Variants in NDUFAF6 observed in about 807,000 individuals in gnomAD.
NDUFAF6 encodes NADH:ubiquinone oxidoreductase complex assembly factor 6, also known as NADH dehydrogenase (ubiquinone) complex I, assembly factor 6.
A neutral mutation model predicts 40.8 loss-of-function variants in NDUFAF6; 45 were observed. That is an observed-to-expected ratio of 1.10 (90% confidence interval 0.87 to 1.42). The LOEUF (loss-of-function observed/expected upper bound fraction) is 1.42, where lower values mean the gene tolerates loss of function less well. Among genes scored for constraint, NDUFAF6 ranks in the 40% most tolerant of loss-of-function variants. The pLI is 0.00. For synonymous variants in NDUFAF6, 185 were observed against 155.9 expected (o/e 1.19, Z -1.39); for missense variants, 435 against 418.5 (o/e 1.04, Z -0.34).
At chr8:95,028,181 C>T (rs1032134592) in intron 1 of NDUFAF6, among the ~76,000 whole-genome samples, 3 of 152,204 alleles carry the variant, frequency 2.0e-5, no homozygotes, top group Admixed American at 6.5e-5. Context: ...TCAACTCAAT[C>T]GAAGTCAGTA....
chr8:95,068,624 T>C (rs1832757516), intron 9 of NDUFAF6: 1 of 151,928 alleles, frequency 6.6e-6, no homozygotes, highest in Non-Finnish European at 1.5e-5. Flanking sequence ...AGTCATGAAA[T>C]TCAAGGCCCC....
chr8:95,057,781 C>G (rs1375625375), intron 8 of NDUFAF6, 28 bp from the exon 9 acceptor site: 5 of 1,535,560 alleles, frequency 3.3e-6, no homozygotes, highest in Non-Finnish European at 4.5e-6. Flanking sequence ...ATTTTATGAT[C>G]TGGTGATCAC....
chr8:95,043,678 A>G (rs2131869529), intron 4 of NDUFAF6, among the ~76,000 whole-genome samples: 1 of 152,314 alleles, frequency 6.6e-6, no homozygotes, highest in South Asian at 2.1e-4. Flanking sequence ...ACAAAGAAAC[A>G]TCACTTCACA....
chr8:95,005,340 G>C (rs115841764), intron 2 of NDUFAF6, among the ~76,000 whole-genome samples: 1,943 of 151,730 alleles, frequency 0.013, 53 homozygotes, highest in African/African-American at 0.045. Context: ...TTGTTACCAG[G>C]ACACAAGCCA....
chr8:94,968,766 C>G (rs1185616930), intron 1 of NDUFAF6, among the ~76,000 whole-genome samples: 1 of 152,098 alleles, frequency 6.6e-6, no homozygotes, highest in African/African-American at 2.4e-5. Flanking sequence ...AGCAGGTAAA[C>G]CAGTTGGGAT....
intron 1 of NDUFAF6, among the ~76,000 whole-genome samples, chr8:94,911,483 C>T (rs1241334008): frequency 1.3e-5 from 2 of 152,166 alleles, no homozygotes; most frequent in African/African-American, 2.4e-5. Flanking sequence ...GCGTTGGCTC[C>T]GCTTCTGGTG....
chr8:94,976,501 CAA>C (rs35323204), intron 1 of NDUFAF6, among the ~76,000 whole-genome samples: 39,297 of 90,844 alleles, frequency 0.43, 8,240 homozygotes, highest in East Asian at 0.69. Flanking sequence ...CACTCCATCT[CAA>C]AAAAAAAAAA....
intron 3 of NDUFAF6, among the ~76,000 whole-genome samples, chr8:95,040,535 C>T (rs1330682000): frequency 1.3e-5 from 2 of 152,208 alleles, no homozygotes; most frequent in African/African-American, 4.8e-5. Flanking sequence ...AAAATGATAA[C>T]TTCTCAACTT....
At chr8:94,970,213 C>A (rs1459768105) in intron 1 of NDUFAF6, among the ~76,000 whole-genome samples, 3 of 146,658 alleles carry the variant, frequency 2.0e-5, no homozygotes, top group African/African-American at 7.7e-5. Context: ...CGAGATCACA[C>A]CACTGCACTC....
At chr8:95,080,904 G>A (rs2945566), downstream of NDUFAF6, among the ~76,000 whole-genome samples, 82,261 of 151,894 alleles carry the variant, frequency 0.54, 22,711 homozygotes, top group East Asian at 0.76. Context: ...ATTTGATGCT[G>A]GACCCTTGGG....
intron 1 of NDUFAF6, among the ~76,000 whole-genome samples, chr8:94,904,299 A>C: frequency 8.6e-6 from 1 of 116,652 alleles, no homozygotes; most frequent in Admixed American, 9.8e-5. Context: ...ACCCACCATC[A>C]CACCTGGCTA....
intron 1 of NDUFAF6, chr8:94,940,917 A>T: frequency 6.2e-7 from 1 of 1,613,786 alleles, no homozygotes; most frequent in East Asian, 2.2e-5. Flanking sequence ...TCACCCACAA[A>T]CATTTTATTC....
chr8:95,032,166 GA>G, intron 2 of NDUFAF6, 72 bp downstream of exon 2: 1 of 1,257,006 alleles, frequency 8.0e-7, no homozygotes, highest in South Asian at 1.2e-5. Context: ...GAACAATAAA[GA>G]AATATAGTTG....
At chr8:94,930,374 G>C in intron 1 of NDUFAF6, 6 of 1,448,526 alleles carry the variant, frequency 4.1e-6, no homozygotes, top group Non-Finnish European at 5.7e-6. Flanking sequence ...CTATGTGATT[G>C]GTTATCAATT....
intron 1 of NDUFAF6, chr8:94,932,126 G>T (rs1165386395): frequency 3.1e-6 from 5 of 1,605,436 alleles, no homozygotes; most frequent in Non-Finnish European, 4.3e-6. Context: ...GTTAAATGGT[G>T]AACTATTAAA....
rs755052874 is a variant in NDUFAF6, at chr8:95,052,238, G to A, written c.873+8G>A. 6.2e-7 allele frequency: 1 copy of A among 1,613,204 alleles called. No individual in the cohort carries two copies. Among genetic ancestry groups the A allele is most frequent in the Non-Finnish European group, 8.5e-7 (1 of 1,179,200 alleles). ...CCTGCTTTTCTTCAGACGGTAAGTA[G>A]ATTAACAGAGAAGGCTGTATAATTA... On this transcript the variant is annotated splice_region_variant and intron_variant, in intron 8 of 8. Transcript: ENST00000396124.
intron 6 of NDUFAF6, among the ~76,000 whole-genome samples, chr8:95,047,514 T>TC (rs1830919569): frequency 6.7e-6 from 1 of 148,318 alleles, no homozygotes; most frequent in African/African-American, 2.5e-5. Flanking sequence ...TTTTCTTTTT[T>TC]TTTTTTTTTT....
intron 2 of NDUFAF6, among the ~76,000 whole-genome samples, chr8:95,086,867 T>G (rs1051661987): frequency 6.6e-6 from 1 of 152,066 alleles, no homozygotes; most frequent in Non-Finnish European, 1.5e-5. Flanking sequence ...CCCCCCAAAG[T>G]GCTGGGATTA....
At position 95,112,901 on chromosome 8, in the gene NDUFAF6, C is replaced by T. The variant is rs959994999; in HGVS notation, n.345-2635C>T. 6.6e-5 allele frequency among the ~76,000 whole-genome samples: 10 copies of T among 152,380 alleles called. No homozygotes were observed. In the South Asian group the frequency reaches 8.3e-4, roughly 13 times the overall value. ...CCATGGGCTGACAAATCTGAATGGA[C>T]GCCAGTTGCCACGATGGAGCAAAGT... On this transcript the variant is annotated intron_variant and non_coding_transcript_variant, in intron 4 of 5. Coordinates refer to the NDUFAF6 transcript ENST00000523184.
Sources: allele counts gnomAD v4.1 joint callset (sites outside exome capture counted in the v4.1 genomes callset), GRCh38; gene constraint gnomAD v4.1.1; transcripts MANE v1.5; gene names NCBI Gene and HGNC (gene_info 2026-07-23, HGNC 2026-07-21).